HECW1: variants seen among roughly 807,000 people sequenced by gnomAD.
HECW1 encodes the protein E3 ubiquitin-protein ligase HECW1.
Under a neutral mutation model 182.3 loss-of-function variants are expected in HECW1, and 61 were observed. The ratio of observed to expected loss-of-function variants is 0.33; its 90% CI spans 0.27 to 0.41. The LOEUF (loss-of-function observed/expected upper bound fraction) is 0.41, where lower values mean the gene tolerates loss of function less well. HECW1 is among the 10% of genes least tolerant of loss of function. The pLI, the probability that HECW1 is intolerant of heterozygous loss-of-function variation, is 1.00. For missense variants in HECW1, 1,739 were observed against 2,108.9 expected (o/e 0.82, Z 3.44); for synonymous variants, 859 against 832.6 (o/e 1.03, Z -0.55).
chr7:43,362,340 C>T (rs556029589), intron 6 of HECW1, among the ~76,000 whole-genome samples: 4 of 152,142 alleles, frequency 2.6e-5, no homozygotes, highest in African/African-American at 7.2e-5. Flanking sequence ...CCTCCATCCT[C>T]GGCAGGACTG....
At position 43,252,671 on chromosome 7, in the gene HECW1, C is replaced by T. The variant is rs181611499; in HGVS notation, c.27+8739C>T. Among the ~76,000 whole-genome samples the T allele has an allele frequency of 3.3e-5, 5 of 152,326 alleles. No individual in the cohort carries two copies. The East Asian group carries it at 9.7e-4, about 29-fold the overall frequency. Reference sequence around the variant, plus strand: ...ATGAGTTCCCATAGTCATACCCACGCATTTTGTAACCTTCATCATGGATAG... The same window carrying T: ...ATGAGTTCCCATAGTCATACCCACGTATTTTGTAACCTTCATCATGGATAG... On this transcript the variant is annotated intron_variant, in intron 3 of 29. Coordinates refer to ENST00000395891, the MANE Select transcript of HECW1 (RefSeq NM_015052.5).
chr7:43,438,212 T>G (rs1288086087), intron 9 of HECW1, 67 bp downstream of exon 9: 1 of 1,403,068 alleles, frequency 7.1e-7, no homozygotes, highest in African/African-American at 1.4e-5. Flanking sequence ...AAAGGTGGCC[T>G]GTAGGCTGCA....
intron 3 of HECW1, among the ~76,000 whole-genome samples, chr7:43,250,540 A>C (rs974332772): frequency 6.6e-6 from 1 of 152,130 alleles, no homozygotes; most frequent in East Asian, 1.9e-4. Context: ...AGCCCTAGGA[A>C]GTGCTAAGAA....
chr7:43,200,033 A>G (rs182609809), intron 2 of HECW1, among the ~76,000 whole-genome samples: 354 of 152,336 alleles, frequency 2.3e-3, no homozygotes, highest in African/African-American at 8.1e-3. Flanking sequence ...AAATCCTTTT[A>G]GGGCTCATGC....
intron 21 of HECW1, among the ~76,000 whole-genome samples, chr7:43,506,040 A>G (rs2079565441): frequency 6.6e-6 from 1 of 152,258 alleles, no homozygotes; most frequent in Admixed American, 6.5e-5. Context: ...TAAAAGGTAT[A>G]TATAGTAAAG....
At chr7:43,513,629 T>G (rs1364959828) in intron 24 of HECW1, among the ~76,000 whole-genome samples, 1 of 151,962 alleles carries the variant, frequency 6.6e-6, no homozygotes, top group Non-Finnish European at 1.5e-5. Context: ...TAGTGAAAAT[T>G]CTGTGTTACA....
At chr7:43,514,964 C>T (rs2080074921) in intron 24 of HECW1, among the ~76,000 whole-genome samples, 1 of 151,998 alleles carries the variant, frequency 6.6e-6, no homozygotes, top group African/African-American at 2.4e-5. Context: ...AGGATCTAGC[C>T]CCCATTCAAA....
At chr7:43,329,785 T>C (rs1257263347) in intron 5 of HECW1, among the ~76,000 whole-genome samples, 4 of 151,984 alleles carry the variant, frequency 2.6e-5, no homozygotes, top group Admixed American at 6.6e-5. Flanking sequence ...CTGTGTGAAG[T>C]GAGGGTGTGA....
At chr7:43,484,654 T>C (rs549177167) in intron 17 of HECW1, 1 of 152,350 alleles carries the variant, frequency 6.6e-6, no homozygotes, top group Admixed American at 6.5e-5. Context: ...CAAACCCCAA[T>C]GGCAGATTAT....
chr7:43,247,790 AAAAG>A (rs1799545036), intron 3 of HECW1, among the ~76,000 whole-genome samples: 1 of 125,458 alleles, frequency 8.0e-6, no homozygotes, highest in Non-Finnish European at 1.6e-5. Context: ...AGAAAAAAAG[AAAAG>A]AAGGAGGGAA....
At position 43,565,083 on chromosome 7, in the gene HECW1, A is replaced by T. The variant is rs1486396690; in HGVS notation, c.*3157A>T. 1.0e-5 allele frequency: 2 copies of T among 194,546 alleles called. No homozygotes were observed. The highest frequency in any genetic ancestry group is 2.3e-5 in the African/African-American group (1 of 43,196). 12.1% of individuals were successfully genotyped at this position (194,546 alleles called of 1,614,324 possible). A position where few individuals can be genotyped will look rare whatever the true frequency, so the allele number is the denominator to read the frequency against. On this transcript the variant is annotated 3_prime_UTR_variant, in exon 30 of 30. Coordinates refer to ENST00000395891, the MANE Select transcript of HECW1 (RefSeq NM_015052.5). ...TGCTTTTAAAATTCTATAAAGTGTT[A>T]TAATAATTTCATGGATATCACAAAT...
At chr7:43,412,676 T>C (rs1043667710) in intron 8 of HECW1, among the ~76,000 whole-genome samples, 2 of 148,652 alleles carry the variant, frequency 1.3e-5, no homozygotes, top group African/African-American at 4.9e-5. Flanking sequence ...AATGTTCAAT[T>C]CCCACCTATG....
chr7:43,534,252 A>G (rs1351376467), intron 24 of HECW1, among the ~76,000 whole-genome samples: 1 of 152,146 alleles, frequency 6.6e-6, no homozygotes, highest in Non-Finnish European at 1.5e-5. Flanking sequence ...TTCCCCTTCC[A>G]TAAATCGTGG....
intron 4 of HECW1, among the ~76,000 whole-genome samples, chr7:43,314,958 GCTC>G (rs1368136950): frequency 1.6e-4 from 24 of 152,318 alleles, no homozygotes; most frequent in African/African-American, 4.6e-4. Context: ...GCCTCCCCTG[GCTC>G]AGGACTCATG....
At chr7:43,517,268 C>T (rs1364317352) in intron 24 of HECW1, among the ~76,000 whole-genome samples, 2 of 152,080 alleles carry the variant, frequency 1.3e-5, no homozygotes, top group African/African-American at 4.8e-5. Flanking sequence ...GACATTTTAC[C>T]ACCTCTCAAA....
chr7:43,164,126 C>G (rs1259398177), intron 2 of HECW1, among the ~76,000 whole-genome samples: 1 of 151,868 alleles, frequency 6.6e-6, no homozygotes, highest in Non-Finnish European at 1.5e-5. Context: ...TGGGGGAAGT[C>G]AAAGAGCAGC....
intron 3 of HECW1, among the ~76,000 whole-genome samples, chr7:43,265,457 A>G (rs577803596): frequency 6.6e-6 from 1 of 152,344 alleles, no homozygotes; most frequent in East Asian, 1.9e-4. Flanking sequence ...AAGAGAAGCT[A>G]TAATATCAGA....
chr7:43,220,520 C>T (rs1434956917), intron 2 of HECW1, among the ~76,000 whole-genome samples: 2 of 152,192 alleles, frequency 1.3e-5, no homozygotes, highest in African/African-American at 4.8e-5. Context: ...CATCCTAAGT[C>T]ATCTCTTAGT....
intron 2 of HECW1, among the ~76,000 whole-genome samples, chr7:43,165,084 T>C (rs1191737102): frequency 1.3e-5 from 2 of 152,208 alleles, no homozygotes; most frequent in African/African-American, 2.4e-5. Flanking sequence ...GCTTGAAATT[T>C]GGTTTCAATA....
Sources: allele counts gnomAD v4.1 joint callset (sites outside exome capture counted in the v4.1 genomes callset), GRCh38; gene constraint gnomAD v4.1.1; transcripts MANE v1.5; gene names NCBI Gene and HGNC (gene_info 2026-07-23, HGNC 2026-07-21).